Variants in NEIL2 observed in about 807,000 individuals in gnomAD.
The protein encoded by NEIL2 is endonuclease 8-like 2.
A neutral mutation model predicts 22.2 loss-of-function variants in NEIL2; 23 were observed. The observed-to-expected ratio is 1.04, with a 90% CI of 0.75 to 1.47. NEIL2 has a LOEUF of 1.47. Ranked by LOEUF, NEIL2 falls within the 40% of genes most tolerant of loss-of-function variation. The probability of loss-of-function intolerance (pLI) is 0.00; values close to 1 mark genes in which losing one functional copy is unlikely to be tolerated. For missense variants in NEIL2, 583 were observed against 404.7 expected (o/e 1.44, Z -3.78); for synonymous variants, 229 against 164.8 (o/e 1.39, Z -2.99).
Position 11,783,342 on chromosome 8 carries a change from G to A in NEIL2, c.631G>A (p.Gly211Ser). ...TCGAGGACAAGCCTTAGAAGCTCTA[G>A]GCCAGGCTCAGCCTGTCTGCTATAC... Reference protein sequence around the residue: ...FHRGQALEALGQAQPVCYTLL... With the variant: ...FHRGQALEALSQAQPVCYTLL... The change falls in exon 4 of 5, where the codon GGC (glycine) becomes AGC (serine). Residue 211 changes from glycine to serine, a missense_variant. By Grantham distance (56) the Gly-to-Ser change is moderately conservative. Transcript: ENST00000284503. 1.2e-6 allele frequency: 2 copies of A among 1,614,200 alleles called. No individual in the cohort carries two copies. The highest frequency in any genetic ancestry group is 1.7e-6 in the Non-Finnish European group (2 of 1,180,038).
chr8:11,771,441 C>T lies in NEIL2; in HGVS notation c.-2-5C>T. On this transcript the variant is annotated splice_polypyrimidine_tract_variant and splice_region_variant and intron_variant, in intron 1 of 4. Transcript: ENST00000284503. ...GTGGCCTCTTTTGCCCATTTCTGCCCACAGGGATGCCAGAAGGGCCGTTGG... is the reference window on the plus strand; with the variant it reads ...GTGGCCTCTTTTGCCCATTTCTGCCTACAGGGATGCCAGAAGGGCCGTTGG... 6.2e-7 allele frequency: 1 copy of T among 1,613,562 alleles called. No individual in the cohort carries two copies. The highest frequency in any genetic ancestry group is 8.5e-7 in the Non-Finnish European group (1 of 1,180,004).
intron 2 of NEIL2, among the ~76,000 whole-genome samples, chr8:11,777,952 C>T (rs1279152853): frequency 6.6e-6 from 1 of 152,236 alleles, no homozygotes; most frequent in Non-Finnish European, 1.5e-5. Context: ...AAGTTTCCAA[C>T]ACATACTTTT....
intron 3 of NEIL2, 132 bp downstream of exon 3, chr8:11,780,082 G>A: frequency 2.8e-6 from 2 of 708,534 alleles, no homozygotes; most frequent in Non-Finnish European, 4.8e-6. Context: ...CTGTCTTGGG[G>A]AGAGAGGCCA....
At chr8:11,771,686 G>C (rs1765044625) in intron 2 of NEIL2, 101 bp downstream of exon 2, 1 of 1,285,684 alleles carries the variant, frequency 7.8e-7, no homozygotes, top group Non-Finnish European at 1.1e-6. Flanking sequence ...CCTGAGTCCG[G>C]AACCACCAAG....
At position 11,779,781 on chromosome 8, in the gene NEIL2, G is replaced by A. The variant is rs146240930; in HGVS notation, c.322G>A (p.Val108Ile). 311 of 1,614,188 alleles carry A rather than the reference G, an allele frequency of 1.9e-4. No homozygotes were observed. In the African/African-American group the frequency reaches 3.5e-3, roughly 18 times the overall value. ...LDGSSRSAEL[V>I]PQGEDDSEYL... is the part of the protein sequence containing the mutation. ...TGGATCCTCACGGTCTGCAGAGCTC[G>A]TCCCCCAGGGCGAGGATGATTCTGA... Residue 108 changes from valine to isoleucine, a missense_variant, in exon 3 of 5, where the codon GTC becomes ATC. Val to Ile is a conservative substitution (Grantham distance 29, BLOSUM62 3). Transcript: ENST00000284503.
intron 3 of NEIL2, among the ~76,000 whole-genome samples, chr8:11,781,160 G>A (rs1001696231): frequency 7.4e-6 from 1 of 134,292 alleles, no homozygotes; most frequent in African/African-American, 2.9e-5. Context: ...ATGTTTAGAA[G>A]TGTAGTCTTT....
Position 11,770,168 on chromosome 8 carries a change from T to A in NEIL2, c.-170T>A, listed in dbSNP as rs1803312984. The stretch of plus-strand genomic sequence containing the variant: ...TCGAAGTCCCTTCCGCGTCTCATCT[T>A]TCAAGGCTGTTGCAGAGGCGGCTTG... On this transcript the variant is annotated 5_prime_UTR_variant, in exon 1 of 5. Coordinates refer to ENST00000284503, the MANE Select transcript of NEIL2 (RefSeq NM_145043.4). 1 of 152,020 alleles carries A rather than the reference T, an allele frequency of 6.6e-6. No homozygotes were observed. The highest frequency in any genetic ancestry group is 1.5e-5 in the Non-Finnish European group (1 of 68,050). 9.4% of individuals were successfully genotyped at this position (152,020 alleles called of 1,614,324 possible).
In NEIL2 at chr8:11,786,490, T is replaced by G. The variant is rs1804967973; in HGVS notation, c.*217T>G. 1.7e-6 allele frequency: 1 copy of G among 597,192 alleles called. No individual in the cohort carries two copies. The highest frequency in any genetic ancestry group is 3.0e-6 in the Non-Finnish European group (1 of 335,522). The allele number at this position is 597,192 out of a possible 1,614,324, so 37.0% of individuals were successfully genotyped here. ...TTCTAGTTCAGTTAATTCATCCTGT[T>G]GAATTGCACCATCGTGAAAGATGGG... On this transcript the variant is annotated 3_prime_UTR_variant, in exon 5 of 5. Coordinates refer to ENST00000284503, the MANE Select transcript of NEIL2 (RefSeq NM_145043.4).
chr8:11,785,882 T>G (rs777718974), intron 4 of NEIL2, 81 bp from the exon 5 acceptor site: 6 of 1,307,712 alleles, frequency 4.6e-6, no homozygotes, highest in Non-Finnish European at 6.6e-6. Context: ...AGAGCTGATT[T>G]CTGCCTTGTT....
intron 4 of NEIL2, 143 bp from the exon 5 acceptor site, chr8:11,785,820 G>C: frequency 1.3e-6 from 1 of 784,950 alleles, no homozygotes; most frequent in Non-Finnish European, 2.3e-6. Flanking sequence ...TTTACAGACA[G>C]AGAAATGGAG....
At chr8:11,771,250 C>T (rs8191530) in intron 1 of NEIL2, among the ~76,000 whole-genome samples, 196 bp from the exon 2 acceptor site, 3 of 152,162 alleles carry the variant, frequency 2.0e-5, no homozygotes, top group African/African-American at 7.2e-5. Context: ...TTTCCTGCTA[C>T]GTTTCCCACA....
chr8:11,770,857 C>A (rs1803374569), intron 1 of NEIL2, among the ~76,000 whole-genome samples: 2 of 152,148 alleles, frequency 1.3e-5, no homozygotes, highest in Non-Finnish European at 2.9e-5. Context: ...AGATAACTGT[C>A]TGTAGCTATG....
At chr8:11,779,305 G>C (rs1804184938) in intron 2 of NEIL2, among the ~76,000 whole-genome samples, 1 of 152,204 alleles carries the variant, frequency 6.6e-6, no homozygotes, top group Non-Finnish European at 1.5e-5. Context: ...CTTAGCTACT[G>C]CATGAAAAAA....
At chr8:11,776,515 A>T (rs1374884510) in intron 2 of NEIL2, among the ~76,000 whole-genome samples, 1 of 152,220 alleles carries the variant, frequency 6.6e-6, no homozygotes, top group African/African-American at 2.4e-5. Context: ...TTCATATGCA[A>T]GTATTGGTGT....
Position 11,786,231 on chromosome 8 carries a change from G to A in NEIL2, c.957G>A (p.Gln319=). The A allele has an allele frequency of 1.2e-6, 2 of 1,613,072 alleles. No individual in the cohort carries two copies. The highest frequency in any genetic ancestry group is 1.7e-6 in the Non-Finnish European group (2 of 1,180,010). Residue 319 remains glutamine, a synonymous_variant, in exon 5 of 5, where the codon CAG becomes CAA. Coordinates refer to ENST00000284503, the MANE Select transcript of NEIL2 (RefSeq NM_145043.4). ...TCACCTGGTGGTGCCCGCAGTGCCAGCCCCAGTTGTCAGAGGAGCCAGAGC... is the reference window on the plus strand; with the variant it reads ...TCACCTGGTGGTGCCCGCAGTGCCAACCCCAGTTGTCAGAGGAGCCAGAGC... ...QRLTWWCPQC[Q]PQLSEEPEQC... is the part of the protein sequence containing the mutation.
chr8:11,782,144 TG>T (rs1299301879), intron 3 of NEIL2, among the ~76,000 whole-genome samples: 3 of 151,862 alleles, frequency 2.0e-5, no homozygotes, highest in Non-Finnish European at 4.4e-5. Flanking sequence ...AATATTAGGT[TG>T]GGTGTGGTGG....
Position 11,785,991 on chromosome 8 carries a change from C to T in NEIL2, c.717C>T (p.Tyr239=), listed in dbSNP as rs771174201. The T allele has an allele frequency of 6.2e-6, 10 of 1,614,002 alleles. No homozygotes were observed. The highest frequency in any genetic ancestry group is 4.0e-5 in the African/African-American group (3 of 74,904). Residue 239 remains tyrosine, a synonymous_variant, in exon 5 of 5, where the codon TAC becomes TAT. Coordinates refer to ENST00000284503, the MANE Select transcript of NEIL2 (RefSeq NM_145043.4). The part of the protein sequence containing the change: ...LGNIIKNEAL[Y]RAGIHPLSLG... Reference sequence around the variant, plus strand: ...ACATCATTAAGAATGAAGCCTTGTACAGAGCTGGGATCCATCCCCTTTCTC... The same window carrying T: ...ACATCATTAAGAATGAAGCCTTGTATAGAGCTGGGATCCATCCCCTTTCTC...
At position 11,771,480 on chromosome 8, in the gene NEIL2, C is replaced by T. The variant is rs1233918298; in HGVS notation, c.33C>T (p.His11=). 11 of 1,613,940 alleles carry T rather than the reference C, an allele frequency of 6.8e-6. No individual in the cohort carries two copies. The highest frequency in any genetic ancestry group is 9.3e-6 in the Non-Finnish European group (11 of 1,180,036). The change falls in exon 2 of 5, where the codon CAC becomes CAT. Residue 11 remains histidine (H), a synonymous_variant. Coordinates refer to ENST00000284503, the MANE Select transcript of NEIL2 (RefSeq NM_145043.4). ...AAGGGCCGTTGGTGAGGAAATTTCA[C>T]CATTTGGTCTCCCCCTTTGTGGGTC... MPEGPLVRKF[H]HLVSPFVGQQ...
At chr8:11,772,009 C>T (rs1585735743) in intron 2 of NEIL2, among the ~76,000 whole-genome samples, 1 of 151,476 alleles carries the variant, frequency 6.6e-6, no homozygotes, top group Non-Finnish European at 1.5e-5. Context: ...TCAAGACCAG[C>T]CTGGCTAACA....
Sources: gnomAD v4.1 joint callset for allele counts (sites outside exome capture counted in the v4.1 genomes callset) on GRCh38, gnomAD v4.1.1 for gene constraint, MANE v1.5 for transcripts, NCBI Gene and HGNC (gene_info 2026-07-23, HGNC 2026-07-21) for gene names.